Variants in ARF6 observed in about 807,000 individuals in gnomAD.
ARF6 encodes the protein ADP-ribosylation factor 6.
For missense variants in ARF6, 75 were observed against 232.0 expected (o/e 0.32, Z 4.40); for synonymous variants, 127 against 95.5 (o/e 1.33, Z -1.92).
In ARF6 at chr14:49,896,397, A is replaced by T. The variant is rs1453216396; in HGVS notation, c.*2133A>T. The T allele has an allele frequency of 6.0e-6, 1 of 167,078 alleles. No homozygotes were observed. Among genetic ancestry groups the T allele is most frequent in the Non-Finnish European group, 1.5e-5 (1 of 68,090 alleles). The allele number at this position is 167,078 out of a possible 1,614,324, so 10.3% of individuals were successfully genotyped here. On this transcript the variant is annotated 3_prime_UTR_variant, in exon 2 of 2. Transcript: ENST00000298316. ...TATCCAATATCAATGCTATAGTAAC[A>T]TCCTGAAACAAAACAAGCACAAAGG...
chr14:49,896,486 A>C lies in ARF6; in HGVS notation c.*2222A>C, dbSNP rs138151813. 6.0e-6 allele frequency: 1 copy of C among 167,228 alleles called. No individual in the cohort carries two copies. The highest frequency in any genetic ancestry group is 1.9e-4 in the East Asian group (1 of 5,196). The allele number at this position is 167,228 out of a possible 1,614,324, so 10.4% of individuals were successfully genotyped here. On this transcript the variant is annotated 3_prime_UTR_variant, in exon 2 of 2. Coordinates refer to ENST00000298316, the MANE Select transcript of ARF6 (RefSeq NM_001663.4). ...GTTAAATCTTAAATGTAGTATTTCT[A>C]ACTTGTGAAGACAGATTGGTAGGCA...
In ARF6 at chr14:49,893,517, C is replaced by G. The variant is rs919707802; in HGVS notation, c.-220C>G. 25 of 572,780 alleles carry G rather than the reference C, an allele frequency of 4.4e-5. No individual in the cohort carries two copies. Among genetic ancestry groups the G allele is most frequent in the Non-Finnish European group, 7.3e-5 (24 of 328,770 alleles). 35.5% of individuals were successfully genotyped at this position (572,780 alleles called of 1,614,324 possible). On this transcript the variant is annotated 5_prime_UTR_variant, in exon 2 of 2. Coordinates refer to ENST00000298316, the MANE Select transcript of ARF6 (RefSeq NM_001663.4). The stretch of plus-strand genomic sequence containing the variant: ...GCGGCTCCCAGCGCAGTCTCAGGGC[C>G]CGGGTGGCGGCGGCGACTGGAGAAA...
rs1235071342 is a variant in ARF6 at position 49,896,782 on chromosome 14, CTG to C, written c.*2519_*2520del. ...TAAATTGAACAATAACCATTGGTGA[CTG>C]GAGCAGGTAATTATAGCCTGCAGAA... is the stretch of plus-strand genomic sequence containing the variant. On this transcript the variant is annotated 3_prime_UTR_variant, in exon 2 of 2. Coordinates refer to ENST00000298316, the MANE Select transcript of ARF6 (RefSeq NM_001663.4). The C allele has an allele frequency of 6.0e-6, 1 of 166,942 alleles. No homozygotes were observed. Among genetic ancestry groups the C allele is most frequent in the Non-Finnish European group, 1.5e-5 (1 of 68,076 alleles). The allele number at this position is 166,942 out of a possible 1,614,324, so 10.3% of individuals were successfully genotyped here. A position where few individuals can be genotyped will look rare whatever the true frequency, so the allele number is the denominator to read the frequency against.
In ARF6 at chr14:49,894,358, C is replaced by T; in HGVS notation, c.*94C>T. ...TCACCTCTTTCAATTGCCACTTTCT[C>T]TTCTTTTGAATTTGAACTCTGGAGT... On this transcript the variant is annotated 3_prime_UTR_variant, in exon 2 of 2. Transcript: ENST00000298316. 3.0e-6 allele frequency: 4 copies of T among 1,314,394 alleles called. No individual in the cohort carries two copies. Among genetic ancestry groups the T allele is most frequent in the Non-Finnish European group, 4.1e-6 (4 of 971,790 alleles). The allele number at this position is 1,314,394 out of a possible 1,614,324, so 81.4% of individuals were successfully genotyped here.
At position 49,895,510 on chromosome 14, in the gene ARF6, G is replaced by T. The variant is rs1387095919; in HGVS notation, c.*1246G>T. On this transcript the variant is annotated 3_prime_UTR_variant, in exon 2 of 2. Transcript: ENST00000298316. ...ATAAAAGAGGTATTTAATTTTGTTT[G>T]TAGGATTAACTCATGCAAATAATAA... 1 of 167,004 alleles carries T rather than the reference G, an allele frequency of 6.0e-6. No homozygotes were observed. The highest frequency in any genetic ancestry group is 2.4e-5 in the African/African-American group (1 of 41,430). 10.3% of individuals were successfully genotyped at this position (167,004 alleles called of 1,614,324 possible). A position where few individuals can be genotyped will look rare whatever the true frequency, so the allele number is the denominator to read the frequency against.
Position 49,893,691 on chromosome 14 carries a change from G to T in ARF6, c.-46G>T. ...GCGGCGGCGGCGTTGTTGGCTGAGG[G>T]GACCCGGGACACCTGAATGCCCCCG... is the stretch of plus-strand genomic sequence containing the variant. On this transcript the variant is annotated 5_prime_UTR_variant, in exon 2 of 2. Transcript: ENST00000298316. The T allele has an allele frequency of 6.3e-7, 1 of 1,585,742 alleles. No homozygotes were observed. The highest frequency in any genetic ancestry group is 8.6e-7 in the Non-Finnish European group (1 of 1,162,836).
Position 49,893,447 on chromosome 14 carries a change from CG to C in ARF6, c.-284del, listed in dbSNP as rs1029541181. The C allele has an allele frequency of 7.6e-6, 2 of 262,152 alleles. No individual in the cohort carries two copies. Among genetic ancestry groups the C allele is most frequent in the Non-Finnish European group, 1.4e-5 (2 of 140,956 alleles). 16.2% of individuals were successfully genotyped at this position (262,152 alleles called of 1,614,324 possible). On this transcript the variant is annotated 5_prime_UTR_variant, in exon 2 of 2. Transcript: ENST00000298316. ...CGCGGCGGCGCTCGCGCGGCGCCTG[CG>C]GGGGGAAGGGCAGTTCCGGGCCGGG...
chr14:49,893,616 C>T lies in ARF6; in HGVS notation c.-121C>T. 3.1e-6 allele frequency: 4 copies of T among 1,304,222 alleles called. No individual in the cohort carries two copies. Among genetic ancestry groups the T allele is most frequent in the Non-Finnish European group, 4.3e-6 (4 of 939,948 alleles). The allele number at this position is 1,304,222 out of a possible 1,614,324, so 80.8% of individuals were successfully genotyped here. A position where few individuals can be genotyped will look rare whatever the true frequency, so the allele number is the denominator to read the frequency against. ...CTGCCCTTAGGAGGCAACTCCCACG[C>T]AGGCCGCAAAGGCGCTCTCGCGGCC... On this transcript the variant is annotated 5_prime_UTR_variant, in exon 2 of 2. Transcript: ENST00000298316.
chr14:49,894,539 C>G lies in ARF6; in HGVS notation c.*275C>G. On this transcript the variant is annotated 3_prime_UTR_variant, in exon 2 of 2. Coordinates refer to ENST00000298316, the MANE Select transcript of ARF6 (RefSeq NM_001663.4). Reference sequence around the variant, plus strand: ...CATGAACACAAAGTTGCTAGATGCTCTTGTTGACTTCCAGCAGATGGGATG... The same window carrying G: ...CATGAACACAAAGTTGCTAGATGCTGTTGTTGACTTCCAGCAGATGGGATG... 3.1e-6 allele frequency: 1 copy of G among 326,314 alleles called. No individual in the cohort carries two copies. Among genetic ancestry groups the G allele is most frequent in the Non-Finnish European group, 5.7e-6 (1 of 175,024 alleles). 20.2% of individuals were successfully genotyped at this position (326,314 alleles called of 1,614,324 possible). A position where few individuals can be genotyped will look rare whatever the true frequency, so the allele number is the denominator to read the frequency against.
Sources: gnomAD v4.1 joint callset for allele counts on GRCh38, gnomAD v4.1.1 for gene constraint, MANE v1.5 for transcripts, NCBI Gene and HGNC (gene_info 2026-07-23, HGNC 2026-07-21) for gene names.